Variants in FHOD3 observed in about 807,000 individuals in gnomAD.
FHOD3 encodes FH1/FH2 domain-containing protein 3.
In FHOD3, 90 loss-of-function variants were observed where a neutral mutation model predicts 173.0. The observed-to-expected ratio is 0.52, with a 90% CI of 0.44 to 0.62. The LOEUF (loss-of-function observed/expected upper bound fraction) is 0.62, where lower values mean the gene tolerates loss of function less well. Ranked by LOEUF, FHOD3 falls within the 20% of genes least tolerant of loss-of-function variation. The pLI, the probability that FHOD3 is intolerant of heterozygous loss-of-function variation, is 0.00. For synonymous variants in FHOD3, 828 were observed against 823.0 expected, an observed-to-expected ratio of 1.01 and a Z score of -0.10; for missense variants, 1,945 against 2,034.7, an observed-to-expected ratio of 0.96 and a Z score of 0.85.
chr18:36,469,825 C>T (rs192799413), intron 3 of FHOD3, among the ~76,000 whole-genome samples: 7 of 139,866 alleles, frequency 5.0e-5, no homozygotes, highest in East Asian at 2.6e-4. Flanking sequence ...AAGGGGGTGG[C>T]GGCGGGGTCT....
Position 36,652,655 on chromosome 18 carries a change from A to G in FHOD3, c.1372A>G (p.Ser458Gly). 6.5e-7 allele frequency: 1 copy of G among 1,535,518 alleles called. No individual in the cohort carries two copies. The highest frequency in any genetic ancestry group is 2.4e-5 in the East Asian group (1 of 40,882). Residue 458 changes from serine to glycine, a missense_variant, in exon 12 of 29, where the codon AGC becomes GGC. By Grantham distance (56) the Ser-to-Gly change is moderately conservative (BLOSUM62 0). Around this residue, in one of 5 missense-constraint regions of FHOD3, gnomAD observed 1,099 missense variants for 1,051.2 expected, o/e 1.05. Coordinates refer to ENST00000590592, the MANE Select transcript of FHOD3 (RefSeq NM_001281740.3). The part of the protein sequence containing the change: ...SSALPAVSNA[S>G]SQGKPLLVGT... ...TGCCCTCCCTGCTGTCTCGAATGCC[A>G]GCTCGCAGGGAAAGCCGCTTCTGGT...
intron 19 of FHOD3, among the ~76,000 whole-genome samples, chr18:36,721,318 G>C (rs751604856): frequency 6.6e-6 from 1 of 152,178 alleles, no homozygotes; most frequent in Non-Finnish European, 1.5e-5. Flanking sequence ...GTTACAAAAG[G>C]TAAGAATGCA....
At chr18:36,591,421 GGGGCTGGGA>G (rs1200382606) in intron 6 of FHOD3, among the ~76,000 whole-genome samples, 2 of 152,254 alleles carry the variant, frequency 1.3e-5, no homozygotes, top group East Asian at 3.9e-4. Flanking sequence ...AGGGAGGCTG[GGGGCTGGGA>G]GGGCTCACTC....
chr18:36,486,602 T>C (rs140846208), intron 3 of FHOD3, among the ~76,000 whole-genome samples: 68 of 152,332 alleles, frequency 4.5e-4, no homozygotes, highest in African/African-American at 1.5e-3. Flanking sequence ...AAACAAGTTA[T>C]TTAAGGTCAA....
chr18:36,682,582 T>G (rs2038323217), intron 15 of FHOD3, among the ~76,000 whole-genome samples: 1 of 152,156 alleles, frequency 6.6e-6, no homozygotes, highest in African/African-American at 2.4e-5. Context: ...TGTTTTTGTT[T>G]TGTTTTGTTT....
At chr18:36,441,343 A>G (rs1039064963) in intron 3 of FHOD3, among the ~76,000 whole-genome samples, 1 of 152,180 alleles carries the variant, frequency 6.6e-6, no homozygotes. Flanking sequence ...CTGAGGAGAA[A>G]GGGGTGGTCA....
chr18:36,437,089 T>C (rs1411813210), intron 3 of FHOD3, among the ~76,000 whole-genome samples: 5 of 152,194 alleles, frequency 3.3e-5, no homozygotes, highest in African/African-American at 1.2e-4. Flanking sequence ...TTTTTTCTCA[T>C]TGTATGAGTA....
At chr18:36,557,492 G>A (rs567991674) in intron 5 of FHOD3, among the ~76,000 whole-genome samples, 10 of 151,900 alleles carry the variant, frequency 6.6e-5, no homozygotes, top group Admixed American at 2.6e-4. Context: ...GTTCAATTTC[G>A]GTGTCTTTAC....
intron 5 of FHOD3, among the ~76,000 whole-genome samples, chr18:36,556,504 A>C (rs1599643789): frequency 6.6e-6 from 1 of 152,184 alleles, no homozygotes; most frequent in South Asian, 2.1e-4. Flanking sequence ...ACTAGACACA[A>C]CTGTTTTTAT....
At chr18:36,667,470 A>C (rs967815569) in intron 14 of FHOD3, among the ~76,000 whole-genome samples, 1 of 152,212 alleles carries the variant, frequency 6.6e-6, no homozygotes, top group Non-Finnish European at 1.5e-5. Flanking sequence ...CCCATGAAGA[A>C]AGCTCCAGTC....
At position 36,512,417 on chromosome 18, in the gene FHOD3, TTTTG is replaced by T. The variant is rs767009977; in HGVS notation, c.406-17_406-14del. ...TGGACAGGGACAGTATTTGAAGTAT[TTTTG>T]TTTTCTTTCCTGCCAGGATGACAAG... On this transcript the variant is annotated splice_polypyrimidine_tract_variant and intron_variant, in intron 4 of 28. Transcript: ENST00000590592. The T allele has an allele frequency of 5.7e-6, 9 of 1,581,432 alleles. No individual in the cohort carries two copies. In the East Asian group the frequency reaches 2.0e-4, roughly 35 times the overall value.
chr18:36,534,558 G>A (rs1296410983), intron 5 of FHOD3, among the ~76,000 whole-genome samples: 1 of 151,954 alleles, frequency 6.6e-6, no homozygotes, highest in Non-Finnish European at 1.5e-5. Context: ...CCAGGCTGGA[G>A]TGCAGTGTTG....
chr18:36,497,773 C>T (rs1169805418), intron 3 of FHOD3, among the ~76,000 whole-genome samples: 1 of 152,146 alleles, frequency 6.6e-6, no homozygotes, highest in Non-Finnish European at 1.5e-5. Context: ...CTTCAACTCT[C>T]CTTTCACACT....
At chr18:36,487,662 C>CTA (rs1311338072) in intron 3 of FHOD3, among the ~76,000 whole-genome samples, 2 of 152,232 alleles carry the variant, frequency 1.3e-5, no homozygotes, top group African/African-American at 4.8e-5. Context: ...AACTTTGAAG[C>CTA]TATATCCACA....
rs1291860074 is a variant in FHOD3 at position 36,757,993 on chromosome 18, C to T, written c.4426-1125C>T. On this transcript the variant is annotated intron_variant, in intron 25 of 28. Coordinates refer to ENST00000590592, the MANE Select transcript of FHOD3 (RefSeq NM_001281740.3). Reference sequence around the variant, plus strand: ...CTTAACCCTTCTCAATGCCAGCTTCCTCTTCTATAGAAAGGGAATGATGAT... The same window carrying T: ...CTTAACCCTTCTCAATGCCAGCTTCTTCTTCTATAGAAAGGGAATGATGAT... 1.3e-5 allele frequency among the ~76,000 whole-genome samples: 2 copies of T among 152,184 alleles called. 1 individual carries two copies. Among genetic ancestry groups the T allele is most frequent in the South Asian group, 4.1e-4 (2 of 4,828 alleles).
Position 36,382,352 on chromosome 18 carries a change from T to C in FHOD3, c.337+9608T>C, listed in dbSNP as rs183422514. On this transcript the variant is annotated intron_variant, in intron 3 of 28. Coordinates refer to ENST00000590592, the MANE Select transcript of FHOD3 (RefSeq NM_001281740.3). ...AACAAAGCTGGGTCTGGCTGCGTTT[T>C]TTCGAGGCCCAATAACGAGAAGCAG... Among the ~76,000 whole-genome samples, 123 of 152,246 alleles carry C rather than the reference T, an allele frequency of 8.1e-4. 2 individuals carry two copies. The highest frequency in any genetic ancestry group is 2.8e-3 in the African/African-American group (116 of 41,544).
intron 5 of FHOD3, among the ~76,000 whole-genome samples, chr18:36,564,783 A>G (rs1247565867): frequency 2.6e-5 from 4 of 152,094 alleles, no homozygotes; most frequent in Non-Finnish European, 5.9e-5. Context: ...TGTAAGTGTT[A>G]GGGGAGAATA....
intron 18 of FHOD3, among the ~76,000 whole-genome samples, chr18:36,715,625 T>A (rs1163435169): frequency 6.6e-6 from 1 of 152,242 alleles, no homozygotes; most frequent in Non-Finnish European, 1.5e-5. Context: ...TCACAGAGTT[T>A]ACATCCATGA....
chr18:36,380,568 T>TTTTCC (rs1568196129), intron 3 of FHOD3, among the ~76,000 whole-genome samples: 1 of 83,204 alleles, frequency 1.2e-5, no homozygotes. Context: ...TTTTCTTTTC[T>TTTTCC]TTTCTTTTCT....
Sources: allele counts gnomAD v4.1 joint callset (sites outside exome capture counted in the v4.1 genomes callset), GRCh38; gene constraint gnomAD v4.1.1; regional missense constraint gnomAD v4.1.1; transcripts MANE v1.5; gene names NCBI Gene and HGNC (gene_info 2026-07-23, HGNC 2026-07-21).